PIGL: variants seen among roughly 807,000 people sequenced by gnomAD.
PIGL encodes the protein phosphatidylinositol glycan anchor biosynthesis class L.
PIGL carries 22 observed loss-of-function variants against 31.1 expected under a neutral mutation model. The observed-to-expected ratio is 0.71, with a 90% CI of 0.51 to 1.01. The LOEUF (loss-of-function observed/expected upper bound fraction) is 1.01, where lower values mean the gene tolerates loss of function less well. PIGL is among the 50% of genes least tolerant of loss of function. PIGL has a pLI of 0.00. For synonymous variants in PIGL, 131 were observed against 117.4 expected, an observed-to-expected ratio of 1.12 and a Z score of -0.75; for missense variants, 302 against 315.9, an observed-to-expected ratio of 0.96 and a Z score of 0.33.
chr17:16,297,469 C>A (rs533934644), intron 2 of PIGL, among the ~76,000 whole-genome samples: 1 of 152,300 alleles, frequency 6.6e-6, no homozygotes, highest in East Asian at 1.9e-4. Flanking sequence ...TGCTAAAGTT[C>A]CATACAATAT....
intron 2 of PIGL, among the ~76,000 whole-genome samples, chr17:16,290,041 G>T (rs2092953749): frequency 6.6e-6 from 1 of 151,894 alleles, no homozygotes; most frequent in Non-Finnish European, 1.5e-5. Context: ...CTCCCAAAGT[G>T]CTGGGATTAC....
chr17:16,226,254 A>G (rs1410847489), intron 1 of PIGL, among the ~76,000 whole-genome samples: 9 of 152,096 alleles, frequency 5.9e-5, no homozygotes, highest in African/African-American at 2.2e-4. Flanking sequence ...CCTCATTTGG[A>G]GGACCCAAAG....
intron 3 of PIGL, among the ~76,000 whole-genome samples, chr17:16,308,933 C>T (rs111958882): frequency 6.4e-4 from 97 of 151,956 alleles, no homozygotes; most frequent in African/African-American, 2.2e-3. Context: ...ACTACAGGCA[C>T]GTGCCACCGG....
chr17:16,311,826 C>T (rs938350134), intron 3 of PIGL, among the ~76,000 whole-genome samples: 4 of 152,140 alleles, frequency 2.6e-5, no homozygotes, highest in Non-Finnish European at 5.9e-5. Context: ...TTTCTTAGTA[C>T]AGAACAAAAT....
intron 3 of PIGL, among the ~76,000 whole-genome samples, chr17:16,304,870 C>T (rs765021991): frequency 3.3e-5 from 5 of 152,284 alleles, no homozygotes; most frequent in South Asian, 2.1e-4. Flanking sequence ...AGCACTATTG[C>T]GCATTTGAGA....
intron 2 of PIGL, among the ~76,000 whole-genome samples, chr17:16,284,689 A>G (rs1057460642): frequency 5.3e-5 from 8 of 152,110 alleles, no homozygotes; most frequent in East Asian, 1.9e-4. Flanking sequence ...TCAATTCCCT[A>G]TGATTTCATC....
At chr17:16,260,480 C>T (rs1044099152) in intron 2 of PIGL, among the ~76,000 whole-genome samples, 1 of 152,200 alleles carries the variant, frequency 6.6e-6, no homozygotes, top group Non-Finnish European at 1.5e-5. Context: ...AGGAGCTACT[C>T]ACTCCATGTC....
chr17:16,278,675 A>G (rs1034885907), intron 2 of PIGL, among the ~76,000 whole-genome samples: 2 of 151,440 alleles, frequency 1.3e-5, no homozygotes, highest in Non-Finnish European at 2.9e-5. Context: ...ACTTTTTCCT[A>G]TCTAACCTAA....
chr17:16,298,069 C>T (rs904297507), intron 2 of PIGL, among the ~76,000 whole-genome samples: 1 of 152,176 alleles, frequency 6.6e-6, no homozygotes, highest in African/African-American at 2.4e-5. Flanking sequence ...GCCCCCCACC[C>T]CTGTCCATGG....
intron 2 of PIGL, among the ~76,000 whole-genome samples, chr17:16,254,794 C>T (rs1353758930): frequency 1.3e-5 from 2 of 151,972 alleles, no homozygotes; most frequent in East Asian, 1.9e-4. Flanking sequence ...TTAGTAGAAA[C>T]GGTTTCACTG....
intron 2 of PIGL, chr17:16,279,626 C>T (rs1712674769): frequency 6.6e-6 from 1 of 152,202 alleles, no homozygotes; most frequent in Non-Finnish European, 1.5e-5. Flanking sequence ...TGTACCTAAA[C>T]TCTGTCCCCA....
chr17:16,218,488 T>TTCATCGGGATAA (rs1318861981), intron 1 of PIGL, among the ~76,000 whole-genome samples: 2 of 152,192 alleles, frequency 1.3e-5, no homozygotes, highest in East Asian at 3.8e-4. Context: ...GTTAAATGGC[T>TTCATCGGGATAA]TCATCGGGAT....
intron 2 of PIGL, among the ~76,000 whole-genome samples, chr17:16,242,857 G>A (rs7223428): frequency 0.56 from 84,420 of 151,134 alleles, 24,597 homozygotes; most frequent in African/African-American, 0.72. Context: ...ACCACAAATG[G>A]TCCACTTCCC....
intron 3 of PIGL, among the ~76,000 whole-genome samples, chr17:16,309,294 T>C (rs578227599): frequency 2.0e-5 from 3 of 152,230 alleles, no homozygotes; most frequent in Non-Finnish European, 2.9e-5. Context: ...CGCTTAACCA[T>C]CTCATAGATA....
At chr17:16,280,886 G>C (rs1006895195) in intron 2 of PIGL, among the ~76,000 whole-genome samples, 1 of 152,068 alleles carries the variant, frequency 6.6e-6, no homozygotes, top group Non-Finnish European at 1.5e-5. Flanking sequence ...TGTAGTTTTA[G>C]TAGAGATGGG....
At position 16,313,492 on chromosome 17, in the gene PIGL, T is replaced by C. The variant is rs145990432; in HGVS notation, c.427-55T>C. On this transcript the variant is annotated intron_variant, in intron 3 of 6. Coordinates refer to ENST00000225609, the MANE Select transcript of PIGL (RefSeq NM_004278.4). Reference sequence around the variant, plus strand: ...TTCCCAAGGGAAGGAGACAGCTCCATTGAAGTTGAGGTGGTGGAGAAGGCA... The same window carrying C: ...TTCCCAAGGGAAGGAGACAGCTCCACTGAAGTTGAGGTGGTGGAGAAGGCA... The C allele has an allele frequency of 8.3e-4, 1,036 of 1,241,464 alleles. 1 individual carries two copies. The highest frequency in any genetic ancestry group is 1.2e-3 in the Non-Finnish European group (983 of 839,946). The allele number at this position is 1,241,464 out of a possible 1,614,324, so 76.9% of individuals were successfully genotyped here. A position where few individuals can be genotyped will look rare whatever the true frequency, so the allele number is the denominator to read the frequency against.
intron 2 of PIGL, among the ~76,000 whole-genome samples, chr17:16,266,708 G>C (rs1419345035): frequency 6.6e-6 from 1 of 151,924 alleles, no homozygotes; most frequent in African/African-American, 2.4e-5. Context: ...CCATTCTCCT[G>C]CCTCAGCCTC....
chr17:16,250,507 T>G (rs1455555060), intron 2 of PIGL, among the ~76,000 whole-genome samples: 1 of 152,118 alleles, frequency 6.6e-6, no homozygotes, highest in African/African-American at 2.4e-5. Context: ...GGGATCACAG[T>G]TTAATCCATA....
chr17:16,265,528 G>T (rs1002036888), intron 2 of PIGL, among the ~76,000 whole-genome samples: 7 of 151,986 alleles, frequency 4.6e-5, no homozygotes, highest in African/African-American at 1.7e-4. Flanking sequence ...AGATCATGAG[G>T]TGAGGAGTTC....
Sources: allele counts gnomAD v4.1 joint callset (sites outside exome capture counted in the v4.1 genomes callset), GRCh38; gene constraint gnomAD v4.1.1; transcripts MANE v1.5; gene names NCBI Gene and HGNC (gene_info 2026-07-23, HGNC 2026-07-21).